TANC2: variants seen among roughly 807,000 people sequenced by gnomAD.
The protein encoded by TANC2 is protein TANC2.
In TANC2, 26 loss-of-function variants were observed where a neutral mutation model predicts 210.5. The observed-to-expected ratio is 0.12, with a 90% CI of 0.09 to 0.17. TANC2 has a LOEUF of 0.17. Ranked by LOEUF, TANC2 falls within the 10% of genes least tolerant of loss-of-function variation. The pLI, the probability that TANC2 is intolerant of heterozygous loss-of-function variation, is 1.00. For synonymous variants in TANC2, 931 were observed against 967.1 expected (o/e 0.96, Z 0.69); for missense variants, 2,129 against 2,608.9 (o/e 0.82, Z 4.01).
chr17:63,413,746 A>C (rs898739192), intron 25 of TANC2, 112 bp downstream of exon 25: 1 of 986,782 alleles, frequency 1.0e-6, no homozygotes, highest in Non-Finnish European at 1.5e-6. Flanking sequence ...GCAAAGGGAA[A>C]CTACTGTTCC....
intron 6 of TANC2, among the ~76,000 whole-genome samples, chr17:63,194,503 AT>A (rs1365485701): frequency 6.6e-6 from 1 of 152,236 alleles, no homozygotes; most frequent in Non-Finnish European, 1.5e-5. Flanking sequence ...ATTTCCAAAG[AT>A]TCCAGTTACT....
chr17:63,194,981 C>A (rs1327740463), intron 6 of TANC2, among the ~76,000 whole-genome samples: 1 of 151,934 alleles, frequency 6.6e-6, no homozygotes, highest in Non-Finnish European at 1.5e-5. Flanking sequence ...CAGGAGATGA[C>A]AAATTAATTT....
chr17:63,379,591 C>A, intron 14 of TANC2, 127 bp from the exon 15 acceptor site: 1 of 596,204 alleles, frequency 1.7e-6, no homozygotes, highest in Non-Finnish European at 2.8e-6. Context: ...ATCACTTAAA[C>A]CCAAGAGGTG....
At chr17:63,286,172 A>G (rs1390621084) in intron 9 of TANC2, among the ~76,000 whole-genome samples, 3 of 152,188 alleles carry the variant, frequency 2.0e-5, no homozygotes, top group Admixed American at 6.5e-5. Flanking sequence ...TTATGTATTT[A>G]TCCATGCGTT....
intron 14 of TANC2, among the ~76,000 whole-genome samples, chr17:63,378,087 C>T (rs1336916831): frequency 6.6e-6 from 1 of 152,044 alleles, no homozygotes; most frequent in Non-Finnish European, 1.5e-5. Context: ...GACACAGAGT[C>T]AAAGCATATC....
chr17:63,410,345 C>CA (rs201184483), intron 21 of TANC2, among the ~76,000 whole-genome samples: 1 of 146,540 alleles, frequency 6.8e-6, no homozygotes, highest in Non-Finnish European at 1.5e-5. Context: ...AATCCCCCCC[C>CA]CCCATCTCCT....
At chr17:63,403,864 G>A (rs2048417481) in intron 19 of TANC2, among the ~76,000 whole-genome samples, 1 of 152,160 alleles carries the variant, frequency 6.6e-6, no homozygotes, top group Non-Finnish European at 1.5e-5. Flanking sequence ...TTTTCATTTT[G>A]CATATGACTC....
At chr17:63,250,119 A>G (rs1567853144) in intron 8 of TANC2, among the ~76,000 whole-genome samples, 1 of 152,118 alleles carries the variant, frequency 6.6e-6, no homozygotes, top group Non-Finnish European at 1.5e-5. Flanking sequence ...TCCTTCTCAA[A>G]ACAAGTCTTT....
chr17:63,129,038 G>A (rs749854813), intron 4 of TANC2, among the ~76,000 whole-genome samples: 1 of 151,978 alleles, frequency 6.6e-6, no homozygotes, highest in Non-Finnish European at 1.5e-5. Flanking sequence ...GTTTTTTTGA[G>A]CCAGGGTCTC....
chr17:63,276,094 C>CTAA (rs1321984839), intron 9 of TANC2, among the ~76,000 whole-genome samples: 1 of 151,988 alleles, frequency 6.6e-6, no homozygotes, highest in Non-Finnish European at 1.5e-5. Context: ...GTAAAATGAT[C>CTAA]TAAGTTTTTT....
chr17:63,389,464 A>G (rs746532546), exon 17 of TANC2: 2 of 1,613,922 alleles, frequency 1.2e-6, no homozygotes, highest in Non-Finnish European at 1.7e-6. Context: ...CTCTTCTGAA[A>G]GTGGCCTGAC....
chr17:63,162,622 A>G (rs2040068040), intron 5 of TANC2, among the ~76,000 whole-genome samples: 1 of 152,182 alleles, frequency 6.6e-6, no homozygotes, highest in Non-Finnish European at 1.5e-5. Context: ...TGACTATGGA[A>G]AGGAGTGAAC....
At chr17:63,306,801 A>T (rs573615055) in intron 9 of TANC2, among the ~76,000 whole-genome samples, 1 of 152,288 alleles carries the variant, frequency 6.6e-6, no homozygotes, top group East Asian at 1.9e-4. Context: ...AAAGTTTTTT[A>T]AAAATAGTCA....
intron 1 of TANC2, among the ~76,000 whole-genome samples, chr17:62,991,556 C>T (rs777383016): frequency 2.6e-5 from 4 of 151,094 alleles, no homozygotes; most frequent in Admixed American, 1.3e-4. Flanking sequence ...AGGAGAATGC[C>T]GTGAACCTGG....
At chr17:63,303,774 C>T (rs983300632) in intron 9 of TANC2, among the ~76,000 whole-genome samples, 2 of 151,910 alleles carry the variant, frequency 1.3e-5, no homozygotes, top group African/African-American at 2.4e-5. Context: ...TCCCATATTT[C>T]TTGGAGGTTT....
At chr17:63,015,760 G>A (rs1297854141) in intron 2 of TANC2, among the ~76,000 whole-genome samples, 2 of 151,228 alleles carry the variant, frequency 1.3e-5, no homozygotes, top group African/African-American at 2.4e-5. Context: ...AAACCGCTGT[G>A]TGGTTCTTTT....
intron 4 of TANC2, among the ~76,000 whole-genome samples, chr17:63,124,498 A>G (rs143206849): frequency 1.7e-3 from 260 of 152,316 alleles, no homozygotes; most frequent in Middle Eastern, 3.4e-3. Context: ...CATTTGGCAA[A>G]TATTTGTATT....
At chr17:63,140,240 GA>G (rs1414183853) in intron 4 of TANC2, among the ~76,000 whole-genome samples, 1 of 152,170 alleles carries the variant, frequency 6.6e-6, no homozygotes, top group African/African-American at 2.4e-5. Flanking sequence ...CTTCTTGACA[GA>G]TTCAGAAGGA....
chr17:62,977,804 C>G (rs528881293), intron 1 of TANC2, among the ~76,000 whole-genome samples: 1 of 152,148 alleles, frequency 6.6e-6, no homozygotes, highest in East Asian at 1.9e-4. Context: ...TCTCCCTTCT[C>G]TAGTTATATT....
Sources: allele counts gnomAD v4.1 joint callset (sites outside exome capture counted in the v4.1 genomes callset), GRCh38; gene constraint gnomAD v4.1.1; transcripts MANE v1.5; gene names NCBI Gene and HGNC (gene_info 2026-07-23, HGNC 2026-07-21).